CYP2F1: variants seen among roughly 807,000 people sequenced by gnomAD.
CYP2F1 encodes cytochrome P450 family 2 subfamily F member 1, also known as cytochrome P450 2F1.
In CYP2F1, 33 loss-of-function variants were observed where a neutral mutation model predicts 40.4. The ratio of observed to expected loss-of-function variants is 0.82; its 90% CI spans 0.62 to 1.09. CYP2F1 has a LOEUF of 1.09. CYP2F1 is among the 50% of genes least tolerant of loss of function. CYP2F1 has a pLI of 0.00. For missense variants in CYP2F1, 566 were observed against 655.7 expected (o/e 0.86, Z 1.49); for synonymous variants, 235 against 277.2 (o/e 0.85, Z 1.51).
intron 3 of CYP2F1, 151 bp downstream of exon 3, chr19:41,116,768 C>A: frequency 1.1e-6 from 1 of 895,928 alleles, no homozygotes; most frequent in Non-Finnish European, 1.7e-6. Context: ...CAGTGTTGGT[C>A]TATGGCAAAT....
In CYP2F1 at chr19:41,125,611, C is replaced by T. The variant is rs748072044; in HGVS notation, c.1271C>T (p.Pro424Leu). 1.9e-6 allele frequency: 3 copies of T among 1,612,798 alleles called. No homozygotes were observed. The highest frequency in any genetic ancestry group is 2.5e-6 in the Non-Finnish European group (3 of 1,179,396). ...GCCAATCAGTCCTTCAAGAAGAGTC[C>T]AGCCTTCATGCCCTTCTCAGCTGGT... Reference protein sequence around the residue: ...LDANQSFKKSPAFMPFSAGRR... With the variant: ...LDANQSFKKSLAFMPFSAGRR... The change falls in exon 9 of 10, where the codon CCA becomes CTA. Residue 424 changes from proline to leucine, a missense_variant. Physicochemically the swap from Pro to Leu is moderately conservative, Grantham distance 98. Coordinates refer to ENST00000331105, the MANE Select transcript of CYP2F1 (RefSeq NM_000774.5).
chr19:41,122,059 C>A lies in CYP2F1; in HGVS notation c.748C>A (p.His250Asn), dbSNP rs759009523. The change falls in exon 6 of 10, where the codon CAC (histidine) becomes AAC (asparagine). Residue 250 changes from histidine to asparagine, a missense_variant. Coordinates refer to ENST00000331105, the MANE Select transcript of CYP2F1 (RefSeq NM_000774.5). ...GAGAGACCTCATCGCCCACAGCGTC[C>A]ACGACCACCAGGCCTCGCTAGACCC... is the stretch of plus-strand genomic sequence containing the variant. ...CLRDLIAHSV[H>N]DHQASLDPRS... 5.0e-6 allele frequency: 8 copies of A among 1,610,994 alleles called. No individual in the cohort carries two copies. Among genetic ancestry groups the A allele is most frequent in the Non-Finnish European group, 6.8e-6 (8 of 1,178,884 alleles).
intron 3 of CYP2F1, 58 bp from the exon 4 acceptor site, chr19:41,120,289 G>A (rs2032111238): frequency 5.3e-6 from 8 of 1,501,726 alleles, no homozygotes; most frequent in Admixed American, 2.2e-5. Context: ...GGGGACCTGG[G>A]TGGCAGTGGC....
intron 9 of CYP2F1, among the ~76,000 whole-genome samples, chr19:41,126,516 C>G (rs1040986567): frequency 2.0e-5 from 3 of 152,060 alleles, no homozygotes; most frequent in Non-Finnish European, 2.9e-5. Context: ...CTTTGGGAGG[C>G]TGAGGCGGGA....
At chr19:41,117,398 C>T (rs1178121939) in intron 3 of CYP2F1, among the ~76,000 whole-genome samples, 1 of 152,110 alleles carries the variant, frequency 6.6e-6, no homozygotes, top group Non-Finnish European at 1.5e-5. Flanking sequence ...TCCCAACGTG[C>T]TGGGATTACA....
In CYP2F1 at chr19:41,121,545, A is replaced by G. The variant is rs756811645; in HGVS notation, c.572A>G (p.Asp191Gly). The change falls in exon 5 of 10, where the codon GAT becomes GGT. Residue 191 changes from aspartate to glycine, a missense_variant. Transcript: ENST00000331105. ...CTCTTCGGCAGCCGCTTCGACTATG[A>G]TGATGAGCGTCTGCTCACCATTATC... ...SVLFGSRFDY[D>G]DERLLTIIRL... 8 of 1,609,938 alleles carry G rather than the reference A, an allele frequency of 5.0e-6. No individual in the cohort carries two copies. The highest frequency in any genetic ancestry group is 6.8e-6 in the Non-Finnish European group (8 of 1,179,646).
chr19:41,115,174 T>C lies in CYP2F1; in HGVS notation c.-12+682T>C, dbSNP rs542537360. ...CTCTCTCTCTCTCCATCTCTGTCTA[T>C]GTGACTCTGTCTTTGTGTATCTGTT... is the stretch of plus-strand genomic sequence containing the variant. On this transcript the variant is annotated intron_variant, in intron 1 of 9. Transcript: ENST00000331105. 2.0e-4 allele frequency among the ~76,000 whole-genome samples: 30 copies of C among 152,284 alleles called. 1 individual carries two copies. The highest frequency in any genetic ancestry group is 1.2e-3 in the Admixed American group (18 of 15,288).
intron 7 of CYP2F1, among the ~76,000 whole-genome samples, 180 bp from the exon 8 acceptor site, chr19:41,124,539 A>C (rs2032432132): frequency 6.6e-6 from 1 of 152,222 alleles, no homozygotes; most frequent in Admixed American, 6.5e-5. Flanking sequence ...CTGGGATTAC[A>C]GGCGTGAGCC....
At chr19:41,121,843 G>GACTCTCCAGA in intron 5 of CYP2F1, 114 bp from the exon 6 acceptor site, 1 of 1,024,538 alleles carries the variant, frequency 9.8e-7, no homozygotes, top group Non-Finnish European at 1.4e-6. Context: ...CCCCACCCCG[G>GACTCTCCAGA]ACCTGGCTGC....
At chr19:41,115,933 C>G (rs1056466979) in intron 1 of CYP2F1, among the ~76,000 whole-genome samples, 1 of 151,986 alleles carries the variant, frequency 6.6e-6, no homozygotes, top group African/African-American at 2.4e-5. Flanking sequence ...CTCTTAGTCT[C>G]TGTTCCTCTA....
Position 41,120,359 on chromosome 19 carries a change from C to G in CYP2F1, c.347C>G (p.Ser116Cys), listed in dbSNP as rs1482689646. 6.2e-7 allele frequency: 1 copy of G among 1,607,454 alleles called. No individual in the cohort carries two copies. Among genetic ancestry groups the G allele is most frequent in the African/African-American group, 1.3e-5 (1 of 74,440 alleles). The part of the protein sequence containing the change: ...NFTKGNGIAF[S>C]SGDRWKVLRQ... ...CTCTTCTCCCCAGGCATCGCCTTCT[C>G]CAGTGGGGATCGATGGAAGGTCCTG... Residue 116 changes from serine (S) to cysteine (C), a missense_variant, in exon 4 of 10, where the codon TCC becomes TGC. By Grantham distance (112) the Ser-to-Cys change is moderately radical. Transcript: ENST00000331105.
chr19:41,119,683 GTCTCTCTCTCTCTCTCTC>G lies in CYP2F1; in HGVS notation c.335-640_335-623del, dbSNP rs1159535426. Among the ~76,000 whole-genome samples, 40 of 13,416 alleles carry G rather than the reference GTCTCTCTCTCTCTCTCTC, an allele frequency of 3.0e-3. 1 individual carries two copies. The highest frequency in any genetic ancestry group is 9.4e-3 in the African/African-American group (37 of 3,924). The allele number at this position is 13,416 out of a possible 152,430, so 8.8% of individuals were successfully genotyped here. A position where few individuals can be genotyped will look rare whatever the true frequency, so the allele number is the denominator to read the frequency against. On this transcript the variant is annotated intron_variant, in intron 3 of 9. Coordinates refer to ENST00000331105, the MANE Select transcript of CYP2F1 (RefSeq NM_000774.5). ...CAGCCTGGCAACAGAGCAAGACTCCGTCTCTCTCTCTCTCTCTCTCTCTCTCTCTCTCTCTCTCTCTAT... is the reference window on the plus strand; with the variant it reads ...CAGCCTGGCAACAGAGCAAGACTCCGTCTCTCTCTCTCTCTCTCTCTCTAT...
intron 6 of CYP2F1, among the ~76,000 whole-genome samples, chr19:41,122,515 T>TACAC (rs1189813253): frequency 7.9e-5 from 12 of 151,294 alleles, no homozygotes; most frequent in African/African-American, 2.4e-4. Flanking sequence ...CATACATACA[T>TACAC]ACACACACAC....
intron 8 of CYP2F1, 135 bp from the exon 9 acceptor site, chr19:41,125,358 C>T (rs2032490588): frequency 1.7e-6 from 1 of 599,252 alleles, no homozygotes; most frequent in East Asian, 2.8e-5. Flanking sequence ...TTTCCTTGGC[C>T]CCCGATTGAG....
chr19:41,114,981 G>A (rs1215602034), intron 1 of CYP2F1, among the ~76,000 whole-genome samples: 1 of 151,880 alleles, frequency 6.6e-6, no homozygotes, highest in African/African-American at 2.4e-5. Context: ...TGTTGGCCAG[G>A]CTGGTCTCAA....
intron 1 of CYP2F1, 115 bp from the exon 2 acceptor site, chr19:41,116,063 T>C: frequency 3.1e-6 from 3 of 981,816 alleles, no homozygotes; most frequent in Non-Finnish European, 3.0e-6. Context: ...CCTCTCCCTG[T>C]CTCCTTCTCT....
chr19:41,124,994 C>T (rs1428719058), intron 8 of CYP2F1, 88 bp downstream of exon 8: 1 of 1,171,010 alleles, frequency 8.5e-7, no homozygotes, highest in African/African-American at 1.5e-5. Context: ...CAGGCACTAG[C>T]CATGAACACC....
In CYP2F1 at chr19:41,124,757, G is replaced by C. The variant is rs552985767; in HGVS notation, c.1003G>C (p.Ala335Pro). The change falls in exon 8 of 10, where the codon GCG becomes CCG. Residue 335 changes from alanine to proline, a missense_variant. Around this residue, in one of 5 missense-constraint regions of CYP2F1, gnomAD observed 128 missense variants for 121.0 expected, o/e 1.06. Transcript: ENST00000331105. ...GGAGATCGACCTCGTGGTGGGACGC[G>C]CGCGGCTGCCGGCGCTGAAGGACCG... is the stretch of plus-strand genomic sequence containing the variant. ...QEEIDLVVGR[A>P]RLPALKDRAA... The C allele has an allele frequency of 6.2e-7, 1 of 1,606,506 alleles. No individual in the cohort carries two copies. The highest frequency in any genetic ancestry group is 2.2e-5 in the East Asian group (1 of 44,840).
chr19:41,118,113 G>C (rs2031931409), intron 3 of CYP2F1, among the ~76,000 whole-genome samples: 1 of 152,088 alleles, frequency 6.6e-6, no homozygotes, highest in African/African-American at 2.4e-5. Flanking sequence ...CTCCCAAAGT[G>C]CTGGGATTAC....
Sources: allele counts gnomAD v4.1 joint callset (sites outside exome capture counted in the v4.1 genomes callset), GRCh38; gene constraint gnomAD v4.1.1; regional missense constraint gnomAD v4.1.1; transcripts MANE v1.5; gene names NCBI Gene and HGNC (gene_info 2026-07-23, HGNC 2026-07-21).